Variants in RERE observed in about 807,000 individuals in gnomAD.
The protein encoded by RERE is arginine-glutamic acid dipeptide repeats, also known as arginine-glutamic acid dipeptide repeats protein.
In RERE, 40 loss-of-function variants were observed where a neutral mutation model predicts 146.1. That is an observed-to-expected ratio of 0.27 (90% CI 0.21 to 0.36). The LOEUF is 0.36. RERE is among the 10% of genes least tolerant of loss of function. RERE has a pLI of 1.00. For missense variants in RERE, 1,933 were observed against 2,138.7 expected, an observed-to-expected ratio of 0.90 and a Z score of 1.90; for synonymous variants, 1,003 against 866.0, an observed-to-expected ratio of 1.16 and a Z score of -2.78.
At chr1:8,702,210 T>C (rs573279537) in intron 1 of RERE, among the ~76,000 whole-genome samples, 4 of 152,368 alleles carry the variant, frequency 2.6e-5, no homozygotes, top group East Asian at 1.9e-4. Flanking sequence ...AATTTCTCTG[T>C]AGACACCCGT....
intron 1 of RERE, among the ~76,000 whole-genome samples, chr1:8,708,281 CACA>C (rs1351856071): frequency 1.3e-5 from 2 of 152,204 alleles, no homozygotes; most frequent in African/African-American, 4.8e-5. Flanking sequence ...GGATAAGTCT[CACA>C]ACATCTGATG....
At chr1:8,738,066 A>G (rs893807160) in intron 1 of RERE, among the ~76,000 whole-genome samples, 2 of 152,112 alleles carry the variant, frequency 1.3e-5, no homozygotes, top group Non-Finnish European at 2.9e-5. Flanking sequence ...GAGGCAAACC[A>G]TGACCCCGCT....
intron 3 of RERE, among the ~76,000 whole-genome samples, chr1:8,618,825 C>T (rs1450050537): frequency 6.6e-6 from 1 of 152,148 alleles, no homozygotes; most frequent in Non-Finnish European, 1.5e-5. Context: ...CTTCTTGTTA[C>T]TTTTAATCCA....
At position 8,359,820 on chromosome 1, in the gene RERE, T is replaced by G. The variant is rs1641483186; in HGVS notation, c.3562A>C (p.Lys1188Gln). ...AREEREREKE[K>Q]EKERERERER... ...CGCTCCCGCTCCCGCTCCTTCTCCT[T>G]CTCCTTCTCCCGCTCTCGCTCCTCT... The change falls in exon 19 of 23, where the codon AAG (lysine) becomes CAG (glutamine). Residue 1188 changes from lysine (K) to glutamine (Q), a missense_variant. Lys to Gln is a moderately conservative substitution (Grantham distance 53, BLOSUM62 1). Around this residue, in one of 11 missense-constraint regions of RERE, gnomAD observed 1,255 missense variants for 1,153.8 expected, o/e 1.09. Coordinates refer to ENST00000400908, the MANE Select transcript of RERE (RefSeq NM_001042681.2). The G allele has an allele frequency of 6.2e-7, 1 of 1,606,900 alleles. No individual in the cohort carries two copies. Among genetic ancestry groups the G allele is most frequent in the Non-Finnish European group, 8.5e-7 (1 of 1,179,470 alleles).
chr1:8,653,587 G>C (rs574273038), intron 2 of RERE, among the ~76,000 whole-genome samples: 3 of 151,586 alleles, frequency 2.0e-5, no homozygotes, highest in Non-Finnish European at 4.4e-5. Flanking sequence ...CCCAGCTACT[G>C]GGGAGGCTGA....
chr1:8,741,273 G>A (rs1179135011), intron 1 of RERE, among the ~76,000 whole-genome samples: 1 of 152,156 alleles, frequency 6.6e-6, no homozygotes, highest in Non-Finnish European at 1.5e-5. Flanking sequence ...TTACCTCTAT[G>A]AAGGCAAGAA....
intron 2 of RERE, among the ~76,000 whole-genome samples, chr1:8,631,054 T>C (rs1443630256): frequency 6.6e-5 from 10 of 152,236 alleles, no homozygotes; most frequent in Non-Finnish European, 1.0e-4. Context: ...TCTGTCTTTA[T>C]CCTCATTGCT....
intron 1 of RERE, among the ~76,000 whole-genome samples, chr1:8,772,417 T>C (rs1215174739): frequency 6.6e-6 from 1 of 152,164 alleles, no homozygotes; most frequent in East Asian, 1.9e-4. Context: ...ATACTGTACC[T>C]TGCTCTGATA....
chr1:8,785,948 G>C (rs1306519632), intron 1 of RERE, among the ~76,000 whole-genome samples: 4 of 151,842 alleles, frequency 2.6e-5, no homozygotes, highest in Admixed American at 2.6e-4. Context: ...TTTAAATACT[G>C]GTAAGACTTT....
In RERE at chr1:8,529,287, CTT is replaced by C. The variant is rs34547801; in HGVS notation, c.830+11925_830+11926del. On this transcript the variant is annotated intron_variant, in intron 7 of 22. Coordinates refer to ENST00000400908, the MANE Select transcript of RERE (RefSeq NM_001042681.2). ...CCTCCACAACCATCAGTTCTCCCTT[CTT>C]TTTTTTTTTTTTTTTTTTGAGATGG... Among the ~76,000 whole-genome samples, 705 of 102,356 alleles carry C rather than the reference CTT, an allele frequency of 6.9e-3. 4 individuals are homozygous for C. The highest frequency in any genetic ancestry group is 0.013 in the African/African-American group (346 of 26,034). 67.1% of individuals were successfully genotyped at this position (102,356 alleles called of 152,430 possible).
intron 12 of RERE, among the ~76,000 whole-genome samples, chr1:8,399,192 T>C (rs551085755): frequency 2.7e-4 from 41 of 152,138 alleles, no homozygotes; most frequent in Admixed American, 2.2e-3. Flanking sequence ...ACTTTATGGT[T>C]TCCTATAAAA....
At chr1:8,764,429 CA>C (rs917181387) in intron 1 of RERE, among the ~76,000 whole-genome samples, 31 of 151,448 alleles carry the variant, frequency 2.0e-4, no homozygotes, top group East Asian at 1.9e-4. Context: ...TGTTTAAAAA[CA>C]AAAAAAAGCT....
chr1:8,724,604 C>T (rs139078357), intron 1 of RERE, among the ~76,000 whole-genome samples: 155 of 151,904 alleles, frequency 1.0e-3, no homozygotes, highest in African/African-American at 3.6e-3. Context: ...CCCAGCACTT[C>T]GGGAGGCTGA....
At chr1:8,684,720 T>G (rs1302433258) in intron 1 of RERE, among the ~76,000 whole-genome samples, 1 of 152,232 alleles carries the variant, frequency 6.6e-6, no homozygotes, top group South Asian at 2.1e-4. Flanking sequence ...CCTCTCCCTA[T>G]GAGAAGCCTT....
intron 10 of RERE, among the ~76,000 whole-genome samples, chr1:8,492,257 G>C (rs570243834): frequency 3.3e-5 from 5 of 152,200 alleles, no homozygotes; most frequent in African/African-American, 4.8e-5. Context: ...AAAGAACCAT[G>C]GGCAAAAGTA....
intron 1 of RERE, among the ~76,000 whole-genome samples, chr1:8,733,619 C>A (rs1640135156): frequency 6.6e-6 from 1 of 152,196 alleles, no homozygotes; most frequent in Admixed American, 6.5e-5. Context: ...ACTCTGCCAA[C>A]CTTGTGAATG....
intron 4 of RERE, among the ~76,000 whole-genome samples, chr1:8,594,527 C>G (rs565817601): frequency 6.6e-6 from 1 of 152,242 alleles, no homozygotes; most frequent in Non-Finnish European, 1.5e-5. Context: ...GCAGAAACCA[C>G]AGACAATTTT....
chr1:8,473,465 T>C, intron 10 of RERE, among the ~76,000 whole-genome samples: 1 of 152,194 alleles, frequency 6.6e-6, no homozygotes, highest in East Asian at 1.9e-4. Context: ...CTAAAAACAA[T>C]AGTAACTTCT....
rs745905637 is a variant in RERE, at chr1:8,701,287, T to TACACACACAC, written c.-144-44856_-144-44847dup. ...GGCACCGGGATGGGGGTGAGGGGAA[T>TACACACACAC]ACACACACACACACACACACACACA... On this transcript the variant is annotated intron_variant, in intron 1 of 22. Transcript: ENST00000400908. Among the ~76,000 whole-genome samples, 321 of 93,714 alleles carry TACACACACAC rather than the reference T, an allele frequency of 3.4e-3. 8 individuals are homozygous for TACACACACAC. The highest frequency in any genetic ancestry group is 0.034 in the South Asian group (113 of 3,338). 61.5% of individuals were successfully genotyped at this position (93,714 alleles called of 152,430 possible).
Sources: gnomAD v4.1 joint callset for allele counts (sites outside exome capture counted in the v4.1 genomes callset) on GRCh38, gnomAD v4.1.1 for gene constraint, gnomAD v4.1.1 regional missense constraint, MANE v1.5 for transcripts, NCBI Gene and HGNC (gene_info 2026-07-23, HGNC 2026-07-21) for gene names.